Variants in NEK7 observed in about 807,000 individuals in gnomAD.
The protein encoded by NEK7 is serine/threonine-protein kinase Nek7.
Under a neutral mutation model 44.6 loss-of-function variants are expected in NEK7, and 18 were observed. The observed-to-expected ratio is 0.40, with a 90% CI of 0.28 to 0.60. The LOEUF is 0.60. Ranked by LOEUF, NEK7 falls within the 20% of genes least tolerant of loss-of-function variation. The pLI is 0.38. For missense variants in NEK7, 256 were observed against 366.5 expected (o/e 0.70, Z 2.46); for synonymous variants, 130 against 121.1 (o/e 1.07, Z -0.48).
At chr1:198,287,304 A>G (rs1654402815) in intron 7 of NEK7, among the ~76,000 whole-genome samples, 1 of 151,830 alleles carries the variant, frequency 6.6e-6, no homozygotes, top group Non-Finnish European at 1.5e-5. Context: ...ACACGGTGAA[A>G]CCCCATCTCT....
chr1:198,177,708 G>A lies in NEK7; in HGVS notation c.-29+20432G>A, dbSNP rs115283966. On this transcript the variant is annotated intron_variant, in intron 1 of 9. Transcript: ENST00000367385. The stretch of plus-strand genomic sequence containing the variant: ...TGAGAACTGGGAATGAAGTGTTGGG[G>A]GAAAGGGAAGAGTGATGGCATGATC... Among the ~76,000 whole-genome samples, 1,369 of 152,124 alleles carry A rather than the reference G, an allele frequency of 9.0e-3. 21 individuals are homozygous for A. Among genetic ancestry groups the A allele is most frequent in the African/African-American group, 0.031 (1,304 of 41,518 alleles).
chr1:198,194,065 A>G (rs1665154656), intron 1 of NEK7, among the ~76,000 whole-genome samples: 1 of 152,164 alleles, frequency 6.6e-6, no homozygotes, highest in Non-Finnish European at 1.5e-5. Flanking sequence ...ATATCTAGAA[A>G]ACCCCATAGT....
At chr1:198,275,417 G>T (rs1164174095) in intron 5 of NEK7, among the ~76,000 whole-genome samples, 1 of 150,192 alleles carries the variant, frequency 6.7e-6, no homozygotes, top group Non-Finnish European at 1.5e-5. Context: ...AGATGGATTG[G>T]TTACATTATT....
intron 1 of NEK7, among the ~76,000 whole-genome samples, chr1:198,201,841 G>A (rs1234993678): frequency 6.6e-6 from 1 of 152,116 alleles, no homozygotes; most frequent in Non-Finnish European, 1.5e-5. Flanking sequence ...CCGACATAGT[G>A]ACCATAAACA....
At position 198,250,019 on chromosome 1, in the gene NEK7, C is replaced by T. The variant is rs901763680; in HGVS notation, c.58-3021C>T. On this transcript the variant is annotated intron_variant, in intron 2 of 9. Coordinates refer to ENST00000367385, the MANE Select transcript of NEK7 (RefSeq NM_133494.3). ...AGGCTTTTTATGGTTTTAGGTCTAACGTTTAAGTCTTTAATCCATCTTGAA... is the reference window on the plus strand; with the variant it reads ...AGGCTTTTTATGGTTTTAGGTCTAATGTTTAAGTCTTTAATCCATCTTGAA... 1.3e-4 allele frequency among the ~76,000 whole-genome samples: 19 copies of T among 141,626 alleles called. 2 individuals are homozygous for T. Among genetic ancestry groups the T allele is most frequent in the Admixed American group, 1.1e-3 (16 of 13,946 alleles). The allele number at this position is 141,626 out of a possible 152,430, so 92.9% of individuals were successfully genotyped here. A position where few individuals can be genotyped will look rare whatever the true frequency, so the allele number is the denominator to read the frequency against.
chr1:198,293,522 T>A (rs1291883792), intron 8 of NEK7, among the ~76,000 whole-genome samples: 2 of 151,380 alleles, frequency 1.3e-5, no homozygotes, highest in Non-Finnish European at 3.0e-5. Context: ...TGAGTAACAA[T>A]TTGTATTGGT....
chr1:198,157,906 A>G (rs1663963691), intron 1 of NEK7, among the ~76,000 whole-genome samples: 2 of 152,170 alleles, frequency 1.3e-5, no homozygotes, highest in South Asian at 4.1e-4. Context: ...TGATGGTGGC[A>G]ATGGAAAAGA....
In NEK7 at chr1:198,314,967, G is replaced by C. The variant is rs543571848; in HGVS notation, c.799-4445G>C. ...GAGCTGTGGTGAGCTCCACCCAGTT[G>C]GTGCTTCCCGGCTGCTTTGTTTACC... On this transcript the variant is annotated intron_variant, in intron 9 of 9. Transcript: ENST00000367385. Among the ~76,000 whole-genome samples the C allele has an allele frequency of 1.4e-3, 215 of 152,334 alleles. 2 individuals are homozygous for C. Among genetic ancestry groups the C allele is most frequent in the East Asian group, 6.8e-3 (35 of 5,172 alleles).
chr1:198,162,950 A>G (rs187299751), intron 1 of NEK7, among the ~76,000 whole-genome samples: 12 of 152,298 alleles, frequency 7.9e-5, no homozygotes, highest in Admixed American at 7.2e-4. Context: ...TGGCAAAATT[A>G]AAAATGTTCT....
chr1:198,287,350 C>T (rs531798129), intron 7 of NEK7, among the ~76,000 whole-genome samples: 6 of 151,922 alleles, frequency 3.9e-5, no homozygotes, highest in South Asian at 4.2e-4. Context: ...GTGTGGATCA[C>T]GCCACTGCAC....
intron 1 of NEK7, among the ~76,000 whole-genome samples, chr1:198,217,164 G>A (rs1418997304): frequency 3.9e-5 from 6 of 151,910 alleles, no homozygotes; most frequent in South Asian, 4.1e-4. Flanking sequence ...AGTAAACTGC[G>A]GACAAGTATC....
chr1:198,231,211 ATTG>A (rs1278629650), intron 1 of NEK7, among the ~76,000 whole-genome samples: 12 of 149,488 alleles, frequency 8.0e-5, no homozygotes, highest in Non-Finnish European at 1.2e-4. Flanking sequence ...ATAGTGTACT[ATTG>A]TTGTTAGTGC....
chr1:198,235,086 C>A (rs1263996342), intron 2 of NEK7, among the ~76,000 whole-genome samples: 1 of 152,106 alleles, frequency 6.6e-6, no homozygotes, highest in East Asian at 1.9e-4. Context: ...AGCCCAGTGA[C>A]TTCTTTCACT....
intron 1 of NEK7, among the ~76,000 whole-genome samples, chr1:198,211,497 G>A (rs758154656): frequency 2.0e-5 from 3 of 152,148 alleles, no homozygotes; most frequent in Non-Finnish European, 4.4e-5. Context: ...GTGTACACAT[G>A]TGCTTACTTT....
intron 1 of NEK7, among the ~76,000 whole-genome samples, chr1:198,214,271 G>C (rs1665856658): frequency 1.3e-5 from 2 of 152,144 alleles, no homozygotes; most frequent in South Asian, 2.1e-4. Flanking sequence ...TGAAAAAATA[G>C]GGTTCTATAA....
At chr1:198,169,145 GTGTT>G (rs1328455012) in intron 1 of NEK7, among the ~76,000 whole-genome samples, 1 of 152,170 alleles carries the variant, frequency 6.6e-6, no homozygotes, top group Non-Finnish European at 1.5e-5. Flanking sequence ...ATTGTTTTGA[GTGTT>G]TGGTTATTAA....
intron 4 of NEK7, 124 bp from the exon 5 acceptor site, chr1:198,264,001 C>A (rs1027602087): frequency 7.6e-6 from 7 of 920,190 alleles, no homozygotes; most frequent in Non-Finnish European, 1.0e-5. Context: ...GAAAAGTATA[C>A]TGTCATGTTA....
intron 5 of NEK7, among the ~76,000 whole-genome samples, chr1:198,277,469 C>G (rs1654050992): frequency 6.6e-6 from 1 of 151,812 alleles, no homozygotes; most frequent in African/African-American, 2.4e-5. Context: ...TTCATGAAAA[C>G]TTTCTACATA....
chr1:198,310,200 G>A (rs375278069), intron 9 of NEK7, among the ~76,000 whole-genome samples: 1 of 152,118 alleles, frequency 6.6e-6, no homozygotes, highest in African/African-American at 2.4e-5. Flanking sequence ...GCCAGCGATG[G>A]TGAGCATTTT....
Sources: gnomAD v4.1 joint callset for allele counts (sites outside exome capture counted in the v4.1 genomes callset) on GRCh38, gnomAD v4.1.1 for gene constraint, MANE v1.5 for transcripts, NCBI Gene and HGNC (gene_info 2026-07-23, HGNC 2026-07-21) for gene names.